The following CSTPP1 variants were observed in gnomAD, a reference collection of about 807,000 sequenced individuals.
CSTPP1 encodes the protein UPF0705 protein C11orf49.
the CSTPP1 span, among the ~76,000 whole-genome samples, chr11:47,045,933 C>T: frequency 0.023 from 3,499 of 151,782 alleles, 153 homozygotes; most frequent in African/African-American, 0.079. Context: ...ATTACAGGCA[C>T]CTGCCACCAC....
chr11:47,024,746 C>T, the CSTPP1 span, among the ~76,000 whole-genome samples: 1 of 152,092 alleles, frequency 6.6e-6, no homozygotes, highest in African/African-American at 2.4e-5. Context: ...TCTGGAACAA[C>T]TATCCCAGGA....
At chr11:46,992,834 A>T in the CSTPP1 span, among the ~76,000 whole-genome samples, 4 of 152,196 alleles carry the variant, frequency 2.6e-5, no homozygotes, top group African/African-American at 4.8e-5. Flanking sequence ...TAATGGTTGA[A>T]CTAGTTTACA....
At chr11:47,122,068 T>TAAAAA in the CSTPP1 span, among the ~76,000 whole-genome samples, 1 of 5,284 alleles carries the variant, frequency 1.9e-4, no homozygotes, top group African/African-American at 1.2e-3. Context: ...AGACCCTGTC[T>TAAAAA]CAAAAAAAAA....
the CSTPP1 span, among the ~76,000 whole-genome samples, chr11:47,104,148 A>C: frequency 3.8e-4 from 58 of 152,184 alleles, no homozygotes; most frequent in Non-Finnish European, 4.1e-4. Flanking sequence ...TTTGATAAGC[A>C]TTCATTGCTA....
At chr11:47,152,440 G>A in the CSTPP1 span, among the ~76,000 whole-genome samples, 1 of 152,152 alleles carries the variant, frequency 6.6e-6, no homozygotes, top group Non-Finnish European at 1.5e-5. Context: ...CTGGAAGGGT[G>A]TGCCCTGTTT....
the CSTPP1 span, among the ~76,000 whole-genome samples, chr11:47,150,949 C>G: frequency 2.8e-5 from 4 of 141,906 alleles, no homozygotes; most frequent in Non-Finnish European, 6.0e-5. Context: ...TGCAGTGGCA[C>G]AAGCTTGGCT....
At chr11:47,014,037 C>G in the CSTPP1 span, among the ~76,000 whole-genome samples, 3 of 151,926 alleles carry the variant, frequency 2.0e-5, no homozygotes, top group Non-Finnish European at 4.4e-5. Context: ...AAAACCCCAT[C>G]TCTACAAAAA....
At chr11:46,986,250 TTTA>T in the CSTPP1 span, among the ~76,000 whole-genome samples, 1 of 152,198 alleles carries the variant, frequency 6.6e-6, no homozygotes, top group African/African-American at 2.4e-5. Flanking sequence ...ACTCATACTT[TTTA>T]TTATACGCCC....
the CSTPP1 span, among the ~76,000 whole-genome samples, chr11:46,954,328 C>T: frequency 6.6e-6 from 1 of 152,200 alleles, no homozygotes; most frequent in South Asian, 2.1e-4. Context: ...GCTGGTGGAT[C>T]ACTTGAGGTC....
chr11:47,057,727 T>G, the CSTPP1 span, among the ~76,000 whole-genome samples: 1 of 152,072 alleles, frequency 6.6e-6, no homozygotes, highest in Non-Finnish European at 1.5e-5. Flanking sequence ...TTCAGTGAGC[T>G]CCAGAATCTT....
At chr11:47,136,747 G>C in the CSTPP1 span, among the ~76,000 whole-genome samples, 3 of 152,104 alleles carry the variant, frequency 2.0e-5, no homozygotes, top group Non-Finnish European at 4.4e-5. Context: ...GCTTCCGGGT[G>C]GATTGCTCTC....
the CSTPP1 span, among the ~76,000 whole-genome samples, chr11:47,007,774 A>G: frequency 6.6e-6 from 1 of 152,034 alleles, no homozygotes; most frequent in Admixed American, 6.5e-5. Context: ...GGGGATTTAT[A>G]TTTGCTTTTG....
chr11:46,951,382 G>A, the CSTPP1 span, among the ~76,000 whole-genome samples: 1 of 146,320 alleles, frequency 6.8e-6, no homozygotes, highest in South Asian at 2.2e-4. Flanking sequence ...GTGTAGCCTC[G>A]ACCTCCTGAG....
the CSTPP1 span, among the ~76,000 whole-genome samples, chr11:47,067,204 T>C: frequency 2.0e-5 from 3 of 152,188 alleles, no homozygotes; most frequent in African/African-American, 7.2e-5. Flanking sequence ...TAATAGTAAA[T>C]TTGTGTTTCA....
At chr11:46,960,840 G>A in the CSTPP1 span, among the ~76,000 whole-genome samples, 505 of 149,948 alleles carry the variant, frequency 3.4e-3, 5 homozygotes, top group Middle Eastern at 0.024. Context: ...CAACAAGAGC[G>A]AAACTCTGTC....
At chr11:47,123,476 G>A in the CSTPP1 span, 1 of 152,234 alleles carries the variant, frequency 6.6e-6, no homozygotes, top group Non-Finnish European at 1.5e-5. Flanking sequence ...CAGACAGTGA[G>A]TGCTAAGAGT....
chr11:47,068,969 A>G, the CSTPP1 span, among the ~76,000 whole-genome samples: 1 of 152,154 alleles, frequency 6.6e-6, no homozygotes, highest in Admixed American at 6.5e-5. Context: ...ATATTTGTGG[A>G]GTAGGAGAAA....
At chr11:47,075,813 G>T in the CSTPP1 span, among the ~76,000 whole-genome samples, 91,778 of 151,332 alleles carry the variant, frequency 0.61, 28,508 homozygotes, top group Middle Eastern at 0.7. Context: ...AGCTACTCAG[G>T]AGGCTGAGGC....
the CSTPP1 span, among the ~76,000 whole-genome samples, chr11:47,067,910 T>A: frequency 6.6e-6 from 1 of 152,226 alleles, no homozygotes; most frequent in African/African-American, 2.4e-5. Context: ...GTTGTGAGTA[T>A]GGCCGTGTTG....
Sources: allele counts gnomAD v4.1 joint callset (sites outside exome capture counted in the v4.1 genomes callset), GRCh38; gene constraint gnomAD v4.1.1; transcripts MANE v1.5; gene names NCBI Gene and HGNC (gene_info 2026-07-23, HGNC 2026-07-21).